RASA1: variants seen among roughly 807,000 people sequenced by gnomAD.
The protein encoded by RASA1 is ras GTPase-activating protein 1.
In RASA1, 25 loss-of-function variants were observed where a neutral mutation model predicts 132.2. The ratio of observed to expected loss-of-function variants is 0.19; its 90% CI spans 0.14 to 0.26. The LOEUF (loss-of-function observed/expected upper bound fraction) is 0.26, where lower values mean the gene tolerates loss of function less well. Among genes scored for constraint, RASA1 ranks in the 10% least tolerant of loss-of-function variants. The pLI is 1.00. For synonymous variants in RASA1, 477 were observed against 449.9 expected (o/e 1.06, Z -0.76); for missense variants, 964 against 1,299.2 (o/e 0.74, Z 3.97).
rs1407863408 is a variant in RASA1, at chr5:87,383,710, C to T, written c.2691-3C>T. ...AAAAAAAAAAAATTTCCCTCCCATT[C>T]AGTGGTTTTGTTTTTCTTCGACTCA... On this transcript the variant is annotated splice_region_variant and splice_polypyrimidine_tract_variant and intron_variant, in intron 20 of 24. Transcript: ENST00000274376. 6 of 1,601,184 alleles carry T rather than the reference C, an allele frequency of 3.7e-6. No homozygotes were observed. In the South Asian group the frequency reaches 5.6e-5, roughly 15 times the overall value.
At chr5:87,318,091 G>A (rs978426458) in intron 1 of RASA1, among the ~76,000 whole-genome samples, 5 of 152,022 alleles carry the variant, frequency 3.3e-5, no homozygotes, top group African/African-American at 1.2e-4. Context: ...TCATTGCTGG[G>A]CTAAAATGTT....
chr5:87,269,339 A>G (rs1297833468), intron 1 of RASA1: 20 of 1,525,020 alleles, frequency 1.3e-5, no homozygotes, highest in Non-Finnish European at 1.7e-5. Flanking sequence ...GTCATAGTGT[A>G]TATTAACTTG....
At chr5:87,378,369 A>C (rs1189665989) in intron 17 of RASA1, 27 bp from the exon 18 acceptor site, 1 of 1,610,254 alleles carries the variant, frequency 6.2e-7, no homozygotes. Flanking sequence ...CTTTACAAAT[A>C]ATCTTCTAAT....
chr5:87,310,397 A>G (rs1222110063), intron 1 of RASA1, among the ~76,000 whole-genome samples: 1 of 152,198 alleles, frequency 6.6e-6, no homozygotes, highest in African/African-American at 2.4e-5. Flanking sequence ...TCAATAGAAT[A>G]TGAGAGTTGA....
chr5:87,272,034 C>G (rs1196429638), intron 1 of RASA1, among the ~76,000 whole-genome samples: 1 of 151,566 alleles, frequency 6.6e-6, no homozygotes, highest in African/African-American at 2.4e-5. Flanking sequence ...CGCCTGTAAT[C>G]CCAGCTACTC....
Position 87,376,537 on chromosome 5 carries a change from CAGA to C in RASA1, c.2163_2165del (p.Glu722del). 1 of 1,613,908 alleles carries C rather than the reference CAGA, an allele frequency of 6.2e-7. No homozygotes were observed. Among genetic ancestry groups the C allele is most frequent in the Non-Finnish European group, 8.5e-7 (1 of 1,179,922 alleles). ...CGATACTCTATGGAAAAAATCATGCCAGAAGAAGAGTACAGTGAATTTAAAGAG... is the reference window on the plus strand; with the variant it reads ...CGATACTCTATGGAAAAAATCATGCCAGAAGAGTACAGTGAATTTAAAGAG... On this transcript the variant is annotated inframe_deletion, in exon 16 of 25. Coordinates refer to ENST00000274376, the MANE Select transcript of RASA1 (RefSeq NM_002890.3).
At chr5:87,337,736 A>G (rs1426423744) in intron 4 of RASA1, among the ~76,000 whole-genome samples, 3 of 152,142 alleles carry the variant, frequency 2.0e-5, no homozygotes, top group Non-Finnish European at 4.4e-5. Context: ...TAGTTAGTGC[A>G]GATACTACTA....
At chr5:87,322,039 A>G (rs1756856306) in intron 1 of RASA1, among the ~76,000 whole-genome samples, 1 of 152,178 alleles carries the variant, frequency 6.6e-6, no homozygotes, top group South Asian at 2.1e-4. Flanking sequence ...CTCGTATTTA[A>G]TGAGACCTCC....
At chr5:87,318,152 A>G (rs891211679) in intron 1 of RASA1, among the ~76,000 whole-genome samples, 1 of 152,198 alleles carries the variant, frequency 6.6e-6, no homozygotes, top group Non-Finnish European at 1.5e-5. Context: ...TCCAGAGAAC[A>G]GTTCTACCTG....
At chr5:87,273,370 A>G (rs549171435) in intron 1 of RASA1, among the ~76,000 whole-genome samples, 2 of 152,324 alleles carry the variant, frequency 1.3e-5, no homozygotes, top group Admixed American at 6.5e-5. Flanking sequence ...AAAAGTTTCT[A>G]TATCTAAAAC....
At chr5:87,330,311 T>C (rs1338240016) in intron 1 of RASA1, among the ~76,000 whole-genome samples, 1 of 152,122 alleles carries the variant, frequency 6.6e-6, no homozygotes, top group African/African-American at 2.4e-5. Context: ...TATCATTGGC[T>C]TATATATTAT....
rs70996415 is a variant in RASA1, at chr5:87,270,646, CTTTTTTTTTTTTT to C, written c.539+1681_539+1693del. Among the ~76,000 whole-genome samples, 263 of 71,774 alleles carry C rather than the reference CTTTTTTTTTTTTT, an allele frequency of 3.7e-3. 6 individuals are homozygous for C. Among genetic ancestry groups the C allele is most frequent in the African/African-American group, 6.2e-3 (96 of 15,546 alleles). 47.1% of individuals were successfully genotyped at this position (71,774 alleles called of 152,430 possible). A position where few individuals can be genotyped will look rare whatever the true frequency, so the allele number is the denominator to read the frequency against. On this transcript the variant is annotated intron_variant, in intron 1 of 24. Coordinates refer to ENST00000274376, the MANE Select transcript of RASA1 (RefSeq NM_002890.3). ...ACAGCCGTAAGCCACGGTGCCCGGC[CTTTTTTTTTTTTT>C]TTTTTTTTTTTTTTTTTTTTTTTTG...
chr5:87,272,632 CCCA>C (rs1291593412), intron 1 of RASA1, among the ~76,000 whole-genome samples: 11 of 152,064 alleles, frequency 7.2e-5, no homozygotes, highest in African/African-American at 2.7e-4. Context: ...GTCCCCTGTG[CCCA>C]TAACTGTAAT....
chr5:87,275,239 GT>G (rs1754013380), intron 1 of RASA1, among the ~76,000 whole-genome samples: 1 of 152,140 alleles, frequency 6.6e-6, no homozygotes, highest in Non-Finnish European at 1.5e-5. Flanking sequence ...TATAACAATG[GT>G]TACCACTGAC....
At chr5:87,326,726 G>C (rs1461287608) in intron 1 of RASA1, among the ~76,000 whole-genome samples, 1 of 152,034 alleles carries the variant, frequency 6.6e-6, no homozygotes, top group Non-Finnish European at 1.5e-5. Context: ...GGCTCTTTGG[G>C]GGTTTCCTTC....
chr5:87,373,207 A>G (rs1203027812), intron 13 of RASA1, among the ~76,000 whole-genome samples: 3 of 152,130 alleles, frequency 2.0e-5, no homozygotes, highest in African/African-American at 4.8e-5. Context: ...AGCCCTTTCT[A>G]TTCATGGGTT....
At chr5:87,284,022 C>T (rs1754434978) in intron 1 of RASA1, among the ~76,000 whole-genome samples, 1 of 152,096 alleles carries the variant, frequency 6.6e-6, no homozygotes, top group South Asian at 2.1e-4. Context: ...CAAATACCTC[C>T]TTAAGGTTGA....
At chr5:87,278,845 C>T (rs1398016266) in intron 1 of RASA1, among the ~76,000 whole-genome samples, 1 of 149,728 alleles carries the variant, frequency 6.7e-6, no homozygotes, top group Non-Finnish European at 1.5e-5. Context: ...ATCTCTCATG[C>T]TGTGTTTTAT....
chr5:87,333,445 C>A, intron 4 of RASA1, 108 bp downstream of exon 4: 2 of 1,508,968 alleles, frequency 1.3e-6, no homozygotes, highest in South Asian at 1.2e-5. Flanking sequence ...TGGCATACAG[C>A]AAGGTGAAAG....
Sources: allele counts gnomAD v4.1 joint callset (sites outside exome capture counted in the v4.1 genomes callset), GRCh38; gene constraint gnomAD v4.1.1; transcripts MANE v1.5; gene names NCBI Gene and HGNC (gene_info 2026-07-23, HGNC 2026-07-21).